LRRTM4: variants seen among roughly 807,000 people sequenced by gnomAD.
LRRTM4 encodes leucine-rich repeat transmembrane neuronal protein 4.
LRRTM4 carries 25 observed loss-of-function variants against 47.6 expected under a neutral mutation model. The ratio of observed to expected loss-of-function variants is 0.53; its 90% CI spans 0.38 to 0.73. The LOEUF (loss-of-function observed/expected upper bound fraction) is 0.73. LRRTM4 is among the 30% of genes least tolerant of loss of function. The probability of loss-of-function intolerance (pLI) is 0.00; values close to 1 mark genes in which losing one functional copy is unlikely to be tolerated. For synonymous variants in LRRTM4, 311 were observed against 269.5 expected, an observed-to-expected ratio of 1.15 and a Z score of -1.51; for missense variants, 638 against 713.4, an observed-to-expected ratio of 0.89 and a Z score of 1.20.
At chr2:76,879,352 C>A (rs1265016178) in intron 3 of LRRTM4, among the ~76,000 whole-genome samples, 11 of 152,120 alleles carry the variant, frequency 7.2e-5, no homozygotes. Flanking sequence ...AGCCAATGCT[C>A]ATTTACCATT....
intron 3 of LRRTM4, among the ~76,000 whole-genome samples, chr2:77,108,407 A>C (rs963797686): frequency 2.6e-5 from 4 of 152,056 alleles, no homozygotes; most frequent in African/African-American, 9.7e-5. Context: ...TAATACAAAA[A>C]TATCAATAAT....
intron 3 of LRRTM4, among the ~76,000 whole-genome samples, chr2:76,922,931 G>T (rs1247801009): frequency 6.6e-6 from 1 of 151,986 alleles, no homozygotes; most frequent in African/African-American, 2.4e-5. Context: ...AAACTAAAAT[G>T]ATAAATTTTG....
At chr2:76,783,527 G>A (rs7355513) in intron 3 of LRRTM4, among the ~76,000 whole-genome samples, 1 of 152,012 alleles carries the variant, frequency 6.6e-6, no homozygotes, top group Non-Finnish European at 1.5e-5. Context: ...TACCTATTAA[G>A]GCGTAACTCC....
intron 3 of LRRTM4, among the ~76,000 whole-genome samples, chr2:76,976,834 G>A (rs1174040784): frequency 6.6e-6 from 1 of 151,708 alleles, no homozygotes; most frequent in Non-Finnish European, 1.5e-5. Context: ...CCAGGAGAGA[G>A]GATTTTGAAT....
At chr2:77,314,875 G>A (rs1372722563) in intron 3 of LRRTM4, among the ~76,000 whole-genome samples, 1 of 152,116 alleles carries the variant, frequency 6.6e-6, no homozygotes, top group Non-Finnish European at 1.5e-5. Context: ...CCACAGCAAC[G>A]AGCCAAAGCT....
intron 3 of LRRTM4, among the ~76,000 whole-genome samples, chr2:76,958,747 T>C (rs996894857): frequency 4.0e-5 from 6 of 151,712 alleles, no homozygotes; most frequent in Admixed American, 2.6e-4. Context: ...ATACATAGAG[T>C]ACCATTTTAG....
At chr2:76,909,726 C>CA (rs1035968594) in intron 3 of LRRTM4, among the ~76,000 whole-genome samples, 3 of 151,908 alleles carry the variant, frequency 2.0e-5, no homozygotes, top group South Asian at 4.2e-4. Flanking sequence ...TTTATGCAGC[C>CA]AAAAAAACAC....
At chr2:77,422,630 G>T (rs1674946193) in intron 3 of LRRTM4, among the ~76,000 whole-genome samples, 1 of 152,098 alleles carries the variant, frequency 6.6e-6, no homozygotes, top group Admixed American at 6.5e-5. Context: ...TAGAATATTT[G>T]ACTATGATAT....
chr2:77,518,507 C>T lies in LRRTM4; in HGVS notation c.1362G>A (p.Met454Ile). The T allele has an allele frequency of 1.9e-6, 3 of 1,613,384 alleles. No homozygotes were observed. Among genetic ancestry groups the T allele is most frequent in the Non-Finnish European group, 2.5e-6 (3 of 1,179,634 alleles). ...YVSWKRYPAS[M>I]KQLQQHSLMK... ...TAAGAGAGTGTTGCTGGAGTTGTTT[C>T]ATGCTGGCTGGGTAGCGTTTCCAAG... is the stretch of plus-strand genomic sequence containing the variant. Residue 454 changes from methionine (M) to isoleucine (I), a missense_variant, in exon 3 of 4, where the codon ATG (methionine) becomes ATA (isoleucine). By Grantham distance (10) the Met-to-Ile change is conservative. Transcript: ENST00000409884.
At chr2:77,446,886 A>G (rs1048998426) in intron 3 of LRRTM4, among the ~76,000 whole-genome samples, 3 of 152,138 alleles carry the variant, frequency 2.0e-5, no homozygotes, top group African/African-American at 4.8e-5. Flanking sequence ...AAAGGTATCC[A>G]AAATTATGGA....
intron 3 of LRRTM4, among the ~76,000 whole-genome samples, chr2:77,361,666 C>T (rs994033231): frequency 6.6e-6 from 1 of 152,102 alleles, no homozygotes; most frequent in African/African-American, 2.4e-5. Flanking sequence ...AAAATAAATA[C>T]AAATAGACAA....
intron 3 of LRRTM4, among the ~76,000 whole-genome samples, chr2:77,329,062 C>T (rs1204950857): frequency 1.3e-5 from 2 of 152,136 alleles, no homozygotes; most frequent in Non-Finnish European, 2.9e-5. Flanking sequence ...TTGATATCAA[C>T]AGAGTCTCCT....
intron 3 of LRRTM4, among the ~76,000 whole-genome samples, chr2:77,485,076 T>C (rs2104027691): frequency 6.6e-6 from 1 of 152,244 alleles, no homozygotes; most frequent in African/African-American, 2.4e-5. Context: ...TTTAGCATGT[T>C]CTATAAACTA....
At chr2:77,466,131 G>C (rs774761722) in intron 3 of LRRTM4, among the ~76,000 whole-genome samples, 1 of 152,120 alleles carries the variant, frequency 6.6e-6, no homozygotes, top group East Asian at 1.9e-4. Context: ...AGAAACAATA[G>C]AATTAAATTC....
chr2:77,472,728 A>T (rs1677239751), intron 3 of LRRTM4, among the ~76,000 whole-genome samples: 1 of 152,170 alleles, frequency 6.6e-6, no homozygotes, highest in African/African-American at 2.4e-5. Context: ...CCTGCTCAAG[A>T]TCAAACAATG....
Position 76,773,911 on chromosome 2 carries a change from C to A in LRRTM4, c.1552-24995G>T, listed in dbSNP as rs1673831614. Among the ~76,000 whole-genome samples, 3 of 150,952 alleles carry A rather than the reference C, an allele frequency of 2.0e-5. No individual in the cohort carries two copies. In the South Asian group the frequency reaches 6.2e-4, roughly 31 times the overall value. On this transcript the variant is annotated intron_variant, in intron 3 of 3. Transcript: ENST00000409884. ...CCTGGTATAACATATTTCCAGAATT[C>A]TTAAATTCCGTTAATGATAAATACA...
Position 76,877,511 on chromosome 2 carries a change from G to A in LRRTM4, c.1552-128595C>T, listed in dbSNP as rs1036655236. Among the ~76,000 whole-genome samples, 3 of 151,910 alleles carry A rather than the reference G, an allele frequency of 2.0e-5. No homozygotes were observed. In the South Asian group the frequency reaches 6.2e-4, roughly 32 times the overall value. On this transcript the variant is annotated intron_variant, in intron 3 of 3. Transcript: ENST00000409884. ...TATAAAATAATGCCTATGATTATTGGAATTTTAAATCAAGGTACAATGGTT... is the reference window on the plus strand; with the variant it reads ...TATAAAATAATGCCTATGATTATTGAAATTTTAAATCAAGGTACAATGGTT...
intron 3 of LRRTM4, among the ~76,000 whole-genome samples, chr2:76,999,658 G>T (rs62171994): frequency 0.13 from 19,177 of 152,120 alleles, 1,477 homozygotes; most frequent in Admixed American, 0.2. Context: ...CACTTAAGCT[G>T]TTAATACAGT....
intron 3 of LRRTM4, among the ~76,000 whole-genome samples, chr2:76,948,955 G>A (rs1675411970): frequency 1.3e-5 from 2 of 151,698 alleles, no homozygotes; most frequent in African/African-American, 4.8e-5. Context: ...GTGTGATTTG[G>A]ATCCTATAGT....
Sources: gnomAD v4.1 joint callset for allele counts (sites outside exome capture counted in the v4.1 genomes callset) on GRCh38, gnomAD v4.1.1 for gene constraint, MANE v1.5 for transcripts, NCBI Gene and HGNC (gene_info 2026-07-23, HGNC 2026-07-21) for gene names.